Variants in TSC22D3 observed in about 807,000 individuals in gnomAD.
TSC22D3 encodes TSC22 domain family protein 3.
A neutral mutation model predicts 11.1 loss-of-function variants in TSC22D3; 4 were observed. That is an observed-to-expected ratio of 0.36 (90% CI 0.18 to 0.83). The LOEUF (loss-of-function observed/expected upper bound fraction) is 0.83, where lower values mean the gene tolerates loss of function less well. Among genes scored for constraint, TSC22D3 ranks in the 40% least tolerant of loss-of-function variants. The pLI is 0.48. For synonymous variants in TSC22D3, 77 were observed against 70.3 expected (o/e 1.10, Z -0.48); for missense variants, 118 against 159.4 (o/e 0.74, Z 1.40).
At chrX:107,717,536 C>T (rs982734715) in intron 1 of TSC22D3, among the ~76,000 whole-genome samples, 6 of 112,272 alleles carry the variant, frequency 5.3e-5, no homozygotes, top group Non-Finnish European at 9.4e-5. Context: ...CTCTAATCAA[C>T]TCAGCTTTCC....
intron 1 of TSC22D3, among the ~76,000 whole-genome samples, chrX:107,765,431 C>G (rs979673638): frequency 8.9e-6 from 1 of 112,220 alleles, no homozygotes; most frequent in Non-Finnish European, 1.9e-5. Flanking sequence ...CTCCTCAGAG[C>G]CCTGGTCCTA....
chrX:107,719,750 A>C (rs2147722113), intron 1 of TSC22D3, among the ~76,000 whole-genome samples: 1 of 111,507 alleles, frequency 9.0e-6, no homozygotes, highest in South Asian at 3.8e-4. Context: ...GGAAGAAGAA[A>C]GGGTGAGAAG....
intron 1 of TSC22D3, among the ~76,000 whole-genome samples, chrX:107,727,967 C>T (rs1267412591): frequency 2.7e-5 from 3 of 111,999 alleles, no homozygotes; most frequent in East Asian, 2.8e-4. Context: ...CTTTCTAGCA[C>T]GACTGAAGGC....
intron 1 of TSC22D3, chrX:107,717,270 C>A: frequency 7.0e-6 from 1 of 142,985 alleles, no homozygotes; most frequent in Non-Finnish European, 1.3e-5. Context: ...TCGATAAAAA[C>A]CAAACTGGAG....
intron 1 of TSC22D3, among the ~76,000 whole-genome samples, chrX:107,771,111 A>G (rs1400727332): frequency 1.8e-5 from 2 of 112,407 alleles, no homozygotes; most frequent in Admixed American, 9.4e-5. Context: ...CCTCTGCTTC[A>G]TAGACAATTC....
chrX:107,757,978 A>T (rs1188572890), intron 1 of TSC22D3, among the ~76,000 whole-genome samples: 1 of 111,214 alleles, frequency 9.0e-6, no homozygotes, highest in African/African-American at 3.3e-5. Flanking sequence ...GTGATCTGAG[A>T]TTGCACCACT....
intron 1 of TSC22D3, among the ~76,000 whole-genome samples, chrX:107,732,644 G>GGA (rs1927942147): frequency 9.0e-6 from 1 of 111,055 alleles, no homozygotes; most frequent in African/African-American, 3.3e-5. Flanking sequence ...TAGTGAGTTG[G>GGA]GAGAGAGAGA....
intron 1 of TSC22D3, among the ~76,000 whole-genome samples, chrX:107,760,127 G>A (rs1929369435): frequency 8.8e-6 from 1 of 113,086 alleles, no homozygotes; most frequent in Non-Finnish European, 1.9e-5. Context: ...AAAGACCAAT[G>A]TTTCAGCAAC....
chrX:107,734,876 C>G (rs965554913), intron 1 of TSC22D3, among the ~76,000 whole-genome samples: 1 of 38,789 alleles, frequency 2.6e-5, no homozygotes, highest in Non-Finnish European at 3.5e-5. Flanking sequence ...CACAACTCTA[C>G]GTAAAAAAAA....
At chrX:107,751,836 G>C in intron 1 of TSC22D3, among the ~76,000 whole-genome samples, 1 of 112,306 alleles carries the variant, frequency 8.9e-6, no homozygotes, top group Non-Finnish European at 1.9e-5. Context: ...AGGGGATAAA[G>C]GTCAAAGGCA....
intron 1 of TSC22D3, among the ~76,000 whole-genome samples, chrX:107,730,297 G>A (rs1256704032): frequency 8.9e-6 from 1 of 111,841 alleles, no homozygotes; most frequent in Non-Finnish European, 1.9e-5. Context: ...CCTCTAGCTG[G>A]AGTTGTGCTT....
chrX:107,715,894 C>A lies in TSC22D3; in HGVS notation c.372+5G>T. On this transcript the variant is annotated splice_donor_5th_base_variant and intron_variant, in intron 2 of 2. Transcript: ENST00000372383. The stretch of plus-strand genomic sequence containing the variant: ...GGATGAGAATGACGCAGTGATGCCA[C>A]TCACCATGGCCTGTTCGATCTTGTT... 8.3e-7 allele frequency: 1 copy of A among 1,211,312 alleles called. No homozygotes were observed. The highest frequency in any genetic ancestry group is 1.1e-6 in the Non-Finnish European group (1 of 895,064).
intron 1 of TSC22D3, among the ~76,000 whole-genome samples, chrX:107,744,672 A>C (rs1209847220): frequency 9.0e-6 from 1 of 111,670 alleles, no homozygotes; most frequent in Non-Finnish European, 1.9e-5. Flanking sequence ...CACACATGAA[A>C]TTCTGCACCA....
At chrX:107,721,880 C>T in intron 1 of TSC22D3, 1 of 519,090 alleles carries the variant, frequency 1.9e-6, no homozygotes, top group Non-Finnish European at 3.5e-6. Context: ...TCTGAAGAGG[C>T]TGGAGGAATA....
intron 1 of TSC22D3, among the ~76,000 whole-genome samples, chrX:107,773,843 A>C (rs186581797): frequency 1.4e-3 from 157 of 111,779 alleles, no homozygotes; most frequent in Non-Finnish European, 2.6e-3. Context: ...TTAAGTGAGA[A>C]TAGCGCCTGC....
intron 1 of TSC22D3, among the ~76,000 whole-genome samples, chrX:107,756,083 C>T (rs1300540761): frequency 1.8e-5 from 2 of 111,484 alleles, no homozygotes; most frequent in Non-Finnish European, 3.8e-5. Context: ...ATGGAAAAGA[C>T]CATCTCAAAC....
chrX:107,733,562 C>T (rs768625416), intron 1 of TSC22D3, among the ~76,000 whole-genome samples: 1 of 111,154 alleles, frequency 9.0e-6, no homozygotes, highest in South Asian at 3.9e-4. Flanking sequence ...CCCTCATCCC[C>T]CTCACCATCC....
intron 1 of TSC22D3, among the ~76,000 whole-genome samples, chrX:107,720,417 C>T (rs756857446): frequency 6.2e-5 from 7 of 112,257 alleles, no homozygotes; most frequent in African/African-American, 2.3e-4. Flanking sequence ...TCTGGCCAGG[C>T]GCAGCGGCTC....
intron 1 of TSC22D3, among the ~76,000 whole-genome samples, chrX:107,772,161 T>G (rs1424435194): frequency 9.0e-6 from 1 of 111,020 alleles, no homozygotes; most frequent in Non-Finnish European, 1.9e-5. Context: ...ACAAACCAGA[T>G]GTAAATCAAG....
Sources: allele counts gnomAD v4.1 joint callset (sites outside exome capture counted in the v4.1 genomes callset), GRCh38; gene constraint gnomAD v4.1.1; transcripts MANE v1.5; gene names NCBI Gene and HGNC (gene_info 2026-07-23, HGNC 2026-07-21).